Variants in VPS13A observed in about 807,000 individuals in gnomAD.
VPS13A encodes the protein vacuolar protein sorting 13 homolog A, also known as intermembrane lipid transfer protein VPS13A.
Under a neutral mutation model 390.9 loss-of-function variants are expected in VPS13A, and 264 were observed. That is an observed-to-expected ratio of 0.68 (90% CI 0.61 to 0.75). The LOEUF (loss-of-function observed/expected upper bound fraction) is 0.75. Ranked by LOEUF, VPS13A falls within the 30% of genes least tolerant of loss-of-function variation. The pLI is 0.00. For synonymous variants in VPS13A, 1,231 were observed against 1,227.1 expected (o/e 1.00, Z -0.07); for missense variants, 3,409 against 3,733.9 (o/e 0.91, Z 2.27).
intron 68 of VPS13A, among the ~76,000 whole-genome samples, chr9:77,391,755 T>C (rs1025709968): frequency 2.6e-5 from 4 of 152,226 alleles, no homozygotes; most frequent in African/African-American, 9.6e-5. Context: ...TTAATCTTTA[T>C]GGAATAAGTT....
intron 19 of VPS13A, among the ~76,000 whole-genome samples, chr9:77,246,620 A>G (rs1314508923): frequency 1.3e-5 from 2 of 152,180 alleles, no homozygotes; most frequent in African/African-American, 2.4e-5. Flanking sequence ...TCTCATAGAA[A>G]ATAATTTGTT....
chr9:77,372,610 A>G (rs1401969438), intron 67 of VPS13A, among the ~76,000 whole-genome samples: 4 of 152,062 alleles, frequency 2.6e-5, no homozygotes, highest in Non-Finnish European at 5.9e-5. Flanking sequence ...CTCCTATTCA[A>G]CATAGTGTCG....
chr9:77,343,001 A>G (rs1830921796), intron 50 of VPS13A, among the ~76,000 whole-genome samples: 1 of 152,172 alleles, frequency 6.6e-6, no homozygotes, highest in African/African-American at 2.4e-5. Flanking sequence ...GAGCACTGAG[A>G]GTAGACAAAA....
chr9:77,210,569 T>C (rs756330178), intron 6 of VPS13A, 47 bp from the exon 7 acceptor site: 2 of 1,576,734 alleles, frequency 1.3e-6, no homozygotes, highest in Admixed American at 1.7e-5. Context: ...GTGGATTTTA[T>C]CCAACTACTA....
chr9:77,276,017 A>T lies in VPS13A; in HGVS notation c.2668-48A>T, dbSNP rs1436502842. ...ACATGTAACCACTATGCACATAAAC[A>T]TGTTTTTGTTTTATGTAGTGGTAAT... On this transcript the variant is annotated intron_variant, in intron 25 of 71. Coordinates refer to ENST00000360280, the MANE Select transcript of VPS13A (RefSeq NM_033305.3). 1.3e-5 allele frequency: 21 copies of T among 1,583,542 alleles called. No homozygotes were observed. The East Asian group carries it at 4.3e-4, about 32-fold the overall frequency.
intron 46 of VPS13A, among the ~76,000 whole-genome samples, chr9:77,333,388 A>T (rs552226991): frequency 3.3e-5 from 5 of 150,386 alleles, no homozygotes; most frequent in Non-Finnish European, 7.4e-5. Flanking sequence ...CTTAAGTAGA[A>T]TTATTAGTGA....
intron 10 of VPS13A, among the ~76,000 whole-genome samples, chr9:77,219,164 C>CT (rs1004534629): frequency 2.3e-4 from 33 of 146,460 alleles, no homozygotes; most frequent in Non-Finnish European, 3.0e-4. Flanking sequence ...ATTTCTTCTG[C>CT]TTTTTTTTTT....
At chr9:77,206,192 G>T in intron 5 of VPS13A, 113 bp downstream of exon 5, 1 of 815,012 alleles carries the variant, frequency 1.2e-6, no homozygotes, top group Admixed American at 2.4e-5. Flanking sequence ...TCAGAAATAT[G>T]ATAGAATCTC....
In VPS13A at chr9:77,418,208, C is replaced by T. The variant is rs1835229814; in HGVS notation, c.*2202C>T. The T allele has an allele frequency of 6.6e-6, 1 of 152,166 alleles. No individual in the cohort carries two copies. Among genetic ancestry groups the T allele is most frequent in the East Asian group, 1.9e-4 (1 of 5,194 alleles). The allele number at this position is 152,166 out of a possible 1,614,324, so 9.4% of individuals were successfully genotyped here. ...TTTAACTACAAGAAATGGCTCTCTG[C>T]TGGAGAAATTTAAGCTTGTCTTAGT... On this transcript the variant is annotated 3_prime_UTR_variant, in exon 72 of 72. Transcript: ENST00000360280.
intron 62 of VPS13A, among the ~76,000 whole-genome samples, chr9:77,368,500 A>T (rs1008146830): frequency 6.6e-6 from 1 of 151,794 alleles, no homozygotes; most frequent in Non-Finnish European, 1.5e-5. Context: ...TTGTTAAGTC[A>T]GCCAGATGTA....
chr9:77,262,357 G>A (rs1328702254), intron 23 of VPS13A, among the ~76,000 whole-genome samples: 3 of 151,958 alleles, frequency 2.0e-5, no homozygotes, highest in African/African-American at 7.3e-5. Context: ...GTAACAGGGG[G>A]TTCTTTACTC....
chr9:77,280,315 T>C (rs1335506573), intron 27 of VPS13A, 77 bp downstream of exon 27: 12 of 1,224,916 alleles, frequency 9.8e-6, no homozygotes, highest in African/African-American at 3.0e-5. Flanking sequence ...TTTGGTATTA[T>C]TCAGTTTATT....
intron 54 of VPS13A, 26 bp downstream of exon 54, chr9:77,353,667 A>G (rs753255557): frequency 4.5e-6 from 7 of 1,559,108 alleles, no homozygotes; most frequent in Admixed American, 1.7e-5. Flanking sequence ...TTTTGGATAC[A>G]TTTAAATGAT....
chr9:77,273,699 T>C (rs1184473183), intron 24 of VPS13A, among the ~76,000 whole-genome samples: 2 of 152,118 alleles, frequency 1.3e-5, no homozygotes, highest in Non-Finnish European at 2.9e-5. Flanking sequence ...AGGCAAGGTA[T>C]ATGGGAAGGC....
chr9:77,386,348 T>C (rs1833682142), intron 68 of VPS13A, among the ~76,000 whole-genome samples: 1 of 152,202 alleles, frequency 6.6e-6, no homozygotes, highest in Non-Finnish European at 1.5e-5. Context: ...CCAACTTTGC[T>C]AGTCACAAGG....
intron 16 of VPS13A, 146 bp from the exon 17 acceptor site, chr9:77,227,976 T>G: frequency 3.6e-6 from 2 of 562,254 alleles, no homozygotes. Flanking sequence ...TATTGTCTCT[T>G]TTTTTGGGGT....
chr9:77,274,147 C>T (rs966567557), intron 24 of VPS13A, among the ~76,000 whole-genome samples: 1 of 151,876 alleles, frequency 6.6e-6, no homozygotes, highest in Non-Finnish European at 1.5e-5. Flanking sequence ...TGACAAGGAC[C>T]AGCCAGGCGC....
At chr9:77,247,439 GT>G (rs1447756293) in intron 20 of VPS13A, 44 bp downstream of exon 20, 2 of 1,525,120 alleles carry the variant, frequency 1.3e-6, no homozygotes, top group African/African-American at 2.8e-5. Flanking sequence ...CATTTGGGGT[GT>G]TTCTTTGTTT....
chr9:77,323,465 C>T (rs578197230), intron 45 of VPS13A, among the ~76,000 whole-genome samples: 6 of 151,962 alleles, frequency 3.9e-5, no homozygotes, highest in East Asian at 1.9e-4. Context: ...AATCTTCTTA[C>T]GGTATTTTTT....
Sources: allele counts gnomAD v4.1 joint callset (sites outside exome capture counted in the v4.1 genomes callset), GRCh38; gene constraint gnomAD v4.1.1; transcripts MANE v1.5; gene names NCBI Gene and HGNC (gene_info 2026-07-23, HGNC 2026-07-21).